KCNK2: variants seen among roughly 807,000 people sequenced by gnomAD.
KCNK2 encodes the protein potassium two pore domain channel subfamily K member 2.
A neutral mutation model predicts 40.5 loss-of-function variants in KCNK2; 21 were observed. The ratio of observed to expected loss-of-function variants is 0.52; its 90% confidence interval spans 0.37 to 0.75. The LOEUF (loss-of-function observed/expected upper bound fraction) is 0.75, where lower values mean the gene tolerates loss of function less well. Among genes scored for constraint, KCNK2 ranks in the 30% least tolerant of loss-of-function variants. The pLI is 0.00. For synonymous variants in KCNK2, 191 were observed against 202.2 expected, an observed-to-expected ratio of 0.94 and a Z score of 0.47; for missense variants, 399 against 531.6, an observed-to-expected ratio of 0.75 and a Z score of 2.45.
intron 1 of KCNK2, among the ~76,000 whole-genome samples, chr1:215,019,515 C>T (rs968744861): frequency 5.3e-5 from 8 of 152,116 alleles, no homozygotes; most frequent in Non-Finnish European, 1.0e-4. Context: ...GCATCTGTTC[C>T]GACTGGTCAG....
chr1:215,056,615 CTTTT>C (rs34925678), intron 1 of KCNK2, among the ~76,000 whole-genome samples: 1 of 103,984 alleles, frequency 9.6e-6, no homozygotes, highest in Non-Finnish European at 1.7e-5. Context: ...TGTGTCCACT[CTTTT>C]TTTTTTTTTT....
intron 1 of KCNK2, among the ~76,000 whole-genome samples, chr1:215,070,181 T>C (rs1276209021): frequency 6.6e-6 from 1 of 151,398 alleles, no homozygotes; most frequent in Admixed American, 6.6e-5. Flanking sequence ...GAGGCCGAGG[T>C]GGGCGGATCA....
chr1:215,010,409 A>G (rs1037164370), intron 1 of KCNK2, among the ~76,000 whole-genome samples: 1 of 152,182 alleles, frequency 6.6e-6, no homozygotes, highest in Non-Finnish European at 1.5e-5. Context: ...AGGAAATCGT[A>G]GAATAGAGGG....
chr1:215,209,402 A>T (rs59975768), intron 6 of KCNK2, among the ~76,000 whole-genome samples: 5 of 63,808 alleles, frequency 7.8e-5, no homozygotes, highest in African/African-American at 2.7e-4. Context: ...TTATATATAA[A>T]ATATGCATAT....
intron 2 of KCNK2, among the ~76,000 whole-genome samples, chr1:215,109,303 C>CT (rs1330011118): frequency 6.6e-6 from 1 of 151,968 alleles, no homozygotes; most frequent in Non-Finnish European, 1.5e-5. Context: ...TTTTTTCTGC[C>CT]TACATATATG....
chr1:215,024,030 A>G (rs1193967604), intron 1 of KCNK2, among the ~76,000 whole-genome samples: 1 of 152,226 alleles, frequency 6.6e-6, no homozygotes, highest in Non-Finnish European at 1.5e-5. Context: ...AACTGCTGCC[A>G]AGGAGTAGGC....
chr1:215,221,106 A>C (rs933869893), intron 6 of KCNK2, among the ~76,000 whole-genome samples: 2 of 152,246 alleles, frequency 1.3e-5, no homozygotes, highest in African/African-American at 4.8e-5. Flanking sequence ...GCAGTGGCTC[A>C]CACCTGTAAT....
intron 6 of KCNK2, among the ~76,000 whole-genome samples, chr1:215,218,390 T>A (rs1666038714): frequency 6.6e-6 from 1 of 152,144 alleles, no homozygotes; most frequent in South Asian, 2.1e-4. Flanking sequence ...AAATTTAACA[T>A]AACCCACATG....
At position 215,083,208 on chromosome 1, in the gene KCNK2, C is replaced by G. The variant is rs1659253540; in HGVS notation, c.-178C>G. On this transcript the variant is annotated 5_prime_UTR_variant, in exon 1 of 7. Transcript: ENST00000444842. ...TCTTCTCACGCTCCCCCCCCCGCCC[C>G]CTCCCGCGTCCAGCCCCGCTCTCCC... The G allele has an allele frequency of 4.4e-6, 5 of 1,135,102 alleles. No individual in the cohort carries two copies. The allele number at this position is 1,135,102 out of a possible 1,614,324, so 70.3% of individuals were successfully genotyped here.
intron 3 of KCNK2, among the ~76,000 whole-genome samples, chr1:215,152,835 C>CA (rs1448738494): frequency 2.0e-5 from 3 of 152,070 alleles, no homozygotes; most frequent in Non-Finnish European, 2.9e-5. Context: ...CATGTTTAGT[C>CA]AGAGTTACTT....
intron 6 of KCNK2, among the ~76,000 whole-genome samples, chr1:215,232,328 G>A (rs1173006362): frequency 1.3e-5 from 2 of 152,112 alleles, no homozygotes; most frequent in African/African-American, 4.8e-5. Context: ...TGAGAAAAAA[G>A]CTATGTACAA....
chr1:215,225,334 CATTT>C (rs1666344634), intron 6 of KCNK2, among the ~76,000 whole-genome samples: 1 of 152,148 alleles, frequency 6.6e-6, no homozygotes, highest in South Asian at 2.1e-4. Flanking sequence ...TCATACATGA[CATTT>C]ATTAGCCTCA....
chr1:215,007,956 A>C (rs915014800), intron 1 of KCNK2, among the ~76,000 whole-genome samples: 2 of 152,188 alleles, frequency 1.3e-5, no homozygotes, highest in Non-Finnish European at 2.9e-5. Context: ...TAATTAAAAC[A>C]AGGCATTCTA....
intron 1 of KCNK2, among the ~76,000 whole-genome samples, chr1:215,014,738 C>T (rs1020791143): frequency 7.9e-5 from 12 of 151,942 alleles, no homozygotes; most frequent in African/African-American, 1.4e-4. Flanking sequence ...ACAAGGAGAC[C>T]ATCTGGTAAT....
chr1:215,059,114 C>A (rs981662112), intron 1 of KCNK2, among the ~76,000 whole-genome samples: 4 of 146,106 alleles, frequency 2.7e-5, no homozygotes, highest in Admixed American at 6.9e-5. Flanking sequence ...CACACACATA[C>A]ATATATATAT....
chr1:215,234,756 C>G, intron 6 of KCNK2, 72 bp from the exon 7 acceptor site: 1 of 1,360,188 alleles, frequency 7.4e-7, no homozygotes, highest in East Asian at 2.3e-5. Flanking sequence ...ATAAAATGAA[C>G]TGAAGATAAA....
intron 3 of KCNK2, among the ~76,000 whole-genome samples, chr1:215,133,373 A>G (rs1339926946): frequency 2.6e-5 from 4 of 152,158 alleles, no homozygotes; most frequent in Admixed American, 6.5e-5. Flanking sequence ...TTTTCTTGTC[A>G]TTCCCCCTTC....
At chr1:215,041,872 G>A (rs960962113) in intron 1 of KCNK2, among the ~76,000 whole-genome samples, 6 of 152,142 alleles carry the variant, frequency 3.9e-5, no homozygotes, top group Admixed American at 1.3e-4. Context: ...CAGAGACTGG[G>A]TAATTTATAA....
At position 215,201,870 on chromosome 1, in the gene KCNK2, T is replaced by TTTCTTC. The variant is rs144783222; in HGVS notation, c.963+6782_963+6787dup. On this transcript the variant is annotated intron_variant, in intron 6 of 6. Coordinates refer to ENST00000444842, the MANE Select transcript of KCNK2 (RefSeq NM_001017425.3). ...CCTGCTTTTACTTTTTTCTTTTCTGTTTCTTCTTCCCACCCTCCATCACTC... is the reference window on the plus strand; with the variant it reads ...CCTGCTTTTACTTTTTTCTTTTCTGTTTCTTCTTCTTCTTCCCACCCTCCATCACTC... Among the ~76,000 whole-genome samples, 60 of 152,308 alleles carry TTTCTTC rather than the reference T, an allele frequency of 3.9e-4. No individual in the cohort carries two copies. In the East Asian group the frequency reaches 8.1e-3, roughly 21 times the overall value.
Sources: allele counts gnomAD v4.1 joint callset (sites outside exome capture counted in the v4.1 genomes callset), GRCh38; gene constraint gnomAD v4.1.1; transcripts MANE v1.5; gene names NCBI Gene and HGNC (gene_info 2026-07-23, HGNC 2026-07-21).